The following LMBRD1 variants were observed in gnomAD, a reference collection of about 807,000 sequenced individuals.
LMBRD1 encodes the protein lysosomal cobalamin transport escort protein LMBD1.
Under a neutral mutation model 74.8 loss-of-function variants are expected in LMBRD1, and 64 were observed. That is an observed-to-expected ratio of 0.86 (90% CI 0.70 to 1.05). The LOEUF (loss-of-function observed/expected upper bound fraction) is 1.05, where lower values mean the gene tolerates loss of function less well. Ranked by LOEUF, LMBRD1 falls within the 50% of genes least tolerant of loss-of-function variation. The probability of loss-of-function intolerance (pLI) is 0.00; values close to 1 mark genes in which losing one functional copy is unlikely to be tolerated. For synonymous variants in LMBRD1, 204 were observed against 216.3 expected (o/e 0.94, Z 0.50); for missense variants, 652 against 645.9 (o/e 1.01, Z -0.10).
At chr6:69,783,070 T>C (rs1245013900) in intron 2 of LMBRD1, among the ~76,000 whole-genome samples, 1 of 152,168 alleles carries the variant, frequency 6.6e-6, no homozygotes, top group Non-Finnish European at 1.5e-5. Context: ...GAAGTACTTT[T>C]GAGTAGGAGG....
intron 9 of LMBRD1, among the ~76,000 whole-genome samples, chr6:69,707,579 AACT>A (rs1165775116): frequency 6.6e-6 from 1 of 152,008 alleles, no homozygotes; most frequent in African/African-American, 2.4e-5. Context: ...AGTCCTTTTG[AACT>A]ACTGTTTTAG....
intron 14 of LMBRD1, 39 bp from the exon 15 acceptor site, chr6:69,676,580 T>C (rs777057540): frequency 7.0e-7 from 1 of 1,422,722 alleles, no homozygotes; most frequent in Non-Finnish European, 9.9e-7. Flanking sequence ...AGATAGGTTC[T>C]TTCATAAAAT....
chr6:69,758,442 C>T (rs2149881079), intron 3 of LMBRD1, among the ~76,000 whole-genome samples: 1 of 152,310 alleles, frequency 6.6e-6, no homozygotes, highest in South Asian at 2.1e-4. Flanking sequence ...AGCTGGCACT[C>T]CCTTTCTTGA....
At chr6:69,795,103 C>T (rs955380429) in intron 1 of LMBRD1, among the ~76,000 whole-genome samples, 1 of 152,166 alleles carries the variant, frequency 6.6e-6, no homozygotes, top group East Asian at 1.9e-4. Context: ...AATAACATAC[C>T]CCAAAAGACT....
chr6:69,734,434 C>T (rs1562104107), intron 7 of LMBRD1, among the ~76,000 whole-genome samples: 1 of 149,464 alleles, frequency 6.7e-6, no homozygotes, highest in Non-Finnish European at 1.5e-5. Context: ...TTGCTCTTGT[C>T]TCCCAGGCTG....
Position 69,676,089 on chromosome 6 carries a change from A to T in LMBRD1, c.*69T>A, listed in dbSNP as rs1162498657. The T allele has an allele frequency of 8.1e-7, 1 of 1,241,324 alleles. No individual in the cohort carries two copies. Among genetic ancestry groups the T allele is most frequent in the Non-Finnish European group, 1.2e-6 (1 of 848,126 alleles). The allele number at this position is 1,241,324 out of a possible 1,614,324, so 76.9% of individuals were successfully genotyped here. Reference sequence around the variant, plus strand: ...AAGCTAGTTAGCAAATCCTAATGTTAGTTTAATACTTTAAAAATGCATAAC... The same window carrying T: ...AAGCTAGTTAGCAAATCCTAATGTTTGTTTAATACTTTAAAAATGCATAAC... On this transcript the variant is annotated 3_prime_UTR_variant, in exon 16 of 16. Coordinates refer to ENST00000649934, the MANE Select transcript of LMBRD1 (RefSeq NM_018368.4).
chr6:69,742,051 T>C (rs1387045847), intron 5 of LMBRD1, among the ~76,000 whole-genome samples, 174 bp from the exon 6 acceptor site: 5 of 152,214 alleles, frequency 3.3e-5, no homozygotes, highest in African/African-American at 1.2e-4. Context: ...AATTTAATAG[T>C]TGTATTACTG....
intron 7 of LMBRD1, among the ~76,000 whole-genome samples, chr6:69,733,094 G>C (rs1441076127): frequency 2.6e-5 from 4 of 151,632 alleles, no homozygotes; most frequent in African/African-American, 9.7e-5. Context: ...ACATAACTAA[G>C]AAATTCACAC....
intron 2 of LMBRD1, among the ~76,000 whole-genome samples, chr6:69,789,097 C>T (rs1288934647): frequency 6.6e-6 from 1 of 152,156 alleles, no homozygotes; most frequent in African/African-American, 2.4e-5. Context: ...TTGGCACACA[C>T]TAAGTGCTCA....
At chr6:69,745,425 A>C in intron 5 of LMBRD1, among the ~76,000 whole-genome samples, 1 of 150,068 alleles carries the variant, frequency 6.7e-6, no homozygotes, top group East Asian at 2.0e-4. Flanking sequence ...TGCCCGGCTA[A>C]TTTTTTGTAT....
At chr6:69,796,512 TC>T (rs777630780) in intron 1 of LMBRD1, among the ~76,000 whole-genome samples, 28 of 152,068 alleles carry the variant, frequency 1.8e-4, no homozygotes, top group Non-Finnish European at 2.9e-4. Context: ...GAGGGTCTCT[TC>T]CGCCCCCAAA....
chr6:69,766,399 T>G (rs1238474008), intron 3 of LMBRD1, among the ~76,000 whole-genome samples: 1 of 152,020 alleles, frequency 6.6e-6, no homozygotes, highest in Non-Finnish European at 1.5e-5. Flanking sequence ...TTTTTGCATC[T>G]ATTGAGATGA....
At chr6:69,683,379 C>T (rs1057493926) in intron 14 of LMBRD1, among the ~76,000 whole-genome samples, 5 of 152,012 alleles carry the variant, frequency 3.3e-5, no homozygotes, top group Admixed American at 3.3e-4. Flanking sequence ...CCTTGATCAT[C>T]TAGTTTATTT....
At chr6:69,727,011 C>T (rs915345629) in intron 7 of LMBRD1, among the ~76,000 whole-genome samples, 5 of 151,696 alleles carry the variant, frequency 3.3e-5, no homozygotes, top group Admixed American at 1.3e-4. Flanking sequence ...AAAAATGAGC[C>T]GGGTGTGGTG....
chr6:69,789,089 G>T (rs1766023970), intron 2 of LMBRD1, among the ~76,000 whole-genome samples: 1 of 152,084 alleles, frequency 6.6e-6, no homozygotes, highest in African/African-American at 2.4e-5. Flanking sequence ...TACAATGTTT[G>T]GCACACACTA....
chr6:69,705,069 C>T (rs547869351), intron 9 of LMBRD1, among the ~76,000 whole-genome samples: 62 of 152,098 alleles, frequency 4.1e-4, no homozygotes, highest in Non-Finnish European at 6.3e-4. Flanking sequence ...TCATAACATT[C>T]CATACATACT....
At chr6:69,723,665 G>A (rs998695004) in intron 7 of LMBRD1, among the ~76,000 whole-genome samples, 6 of 151,860 alleles carry the variant, frequency 4.0e-5, no homozygotes, top group African/African-American at 4.8e-5. Context: ...AGGATACAGC[G>A]AAAGTAGCAG....
intron 3 of LMBRD1, among the ~76,000 whole-genome samples, chr6:69,763,084 T>C (rs11962504): frequency 0.11 from 17,077 of 151,960 alleles, 2,689 homozygotes; most frequent in African/African-American, 0.35. Context: ...TGTTATAAAA[T>C]AGCAAAGAAC....
At chr6:69,705,888 G>A in intron 9 of LMBRD1, 3 of 1,340,796 alleles carry the variant, frequency 2.2e-6, no homozygotes, top group East Asian at 2.3e-5. Context: ...TTATTTCAAA[G>A]CCCCTAAGGA....
Sources: gnomAD v4.1 joint callset for allele counts (sites outside exome capture counted in the v4.1 genomes callset) on GRCh38, gnomAD v4.1.1 for gene constraint, MANE v1.5 for transcripts, NCBI Gene and HGNC (gene_info 2026-07-23, HGNC 2026-07-21) for gene names.